The following RBFOX1 variants were observed in gnomAD, a reference collection of about 807,000 sequenced individuals.
RBFOX1 encodes the protein RNA binding protein fox-1 homolog 1.
In RBFOX1, 8 loss-of-function variants were observed where a neutral mutation model predicts 57.7. The observed-to-expected ratio is 0.14, with a 90% confidence interval of 0.08 to 0.25. The LOEUF (loss-of-function observed/expected upper bound fraction) is 0.25. RBFOX1 is among the 10% of genes least tolerant of loss of function. The pLI is 1.00. For synonymous variants in RBFOX1, 326 were observed against 222.4 expected (o/e 1.47, Z -4.15); for missense variants, 611 against 548.5 (o/e 1.11, Z -1.14).
Position 7,139,176 on chromosome 16 carries a change from C to CTCTCTCTCTCTCTCTGTGTGTGTG in RBFOX1, c.27+87079_27+87080insCTCTCTCTCTCTCTGTGTGTGTGT, listed in dbSNP as rs372381673. 8.7e-3 allele frequency among the ~76,000 whole-genome samples: 1,262 copies of CTCTCTCTCTCTCTCTGTGTGTGTG among 145,886 alleles called. 11 individuals are homozygous for CTCTCTCTCTCTCTCTGTGTGTGTG. Among genetic ancestry groups the CTCTCTCTCTCTCTCTGTGTGTGTG allele is most frequent in the African/African-American group, 0.016 (625 of 38,906 alleles). The stretch of plus-strand genomic sequence containing the variant: ...TAATGCAGATGAAATCAATCTCTCT[C>CTCTCTCTCTCTCTCTGTGTGTGTG]TGTGTGTGTGTGTGTGTGTGTATGT... On this transcript the variant is annotated intron_variant, in intron 4 of 15. Coordinates refer to ENST00000550418, the MANE Select transcript of RBFOX1 (RefSeq NM_018723.4).
chr16:7,458,814 C>G (rs952870386), intron 4 of RBFOX1, among the ~76,000 whole-genome samples: 1 of 152,160 alleles, frequency 6.6e-6, no homozygotes, highest in African/African-American at 2.4e-5. Flanking sequence ...TGTTCCTTTC[C>G]TAGCTGACTT....
In RBFOX1 at chr16:6,079,198, C is replaced by T. The variant is rs545427160; in HGVS notation, c.-127+59206C>T. 4.7e-4 allele frequency among the ~76,000 whole-genome samples: 72 copies of T among 152,092 alleles called. No individual in the cohort carries two copies. In the Middle Eastern group the frequency reaches 0.01, roughly 22 times the overall value. ...TTACATGCCTGTAATCCCAGCTATT[C>T]GGGAGGCTGAGGCAGGATAATTGCT... On this transcript the variant is annotated intron_variant, in intron 1 of 15. Transcript: ENST00000550418.
At chr16:6,431,242 A>G (rs990455027) in intron 2 of RBFOX1, among the ~76,000 whole-genome samples, 3 of 152,078 alleles carry the variant, frequency 2.0e-5, no homozygotes, top group Non-Finnish European at 2.9e-5. Flanking sequence ...GGTGGTTTGA[A>G]TAAAGTTAGG....
intron 3 of RBFOX1, among the ~76,000 whole-genome samples, chr16:7,040,780 A>G (rs1026661677): frequency 6.6e-6 from 1 of 152,234 alleles, no homozygotes; most frequent in African/African-American, 2.4e-5. Flanking sequence ...CATTCCTGAA[A>G]TCATTCATTT....
intron 3 of RBFOX1, among the ~76,000 whole-genome samples, chr16:6,662,377 TTGTATC>T (rs2098707160): frequency 6.6e-6 from 1 of 152,186 alleles, no homozygotes. Context: ...AAAGGTCACA[TTGTATC>T]TGTTAAATAT....
chr16:7,640,474 A>T (rs1468596449), intron 11 of RBFOX1, among the ~76,000 whole-genome samples: 1 of 152,204 alleles, frequency 6.6e-6, no homozygotes, highest in Non-Finnish European at 1.5e-5. Flanking sequence ...ATTTGTCTTG[A>T]TATTTCTTTC....
intron 3 of RBFOX1, among the ~76,000 whole-genome samples, chr16:6,762,942 A>C (rs559235540): frequency 6.6e-6 from 1 of 152,334 alleles, no homozygotes; most frequent in Non-Finnish European, 1.5e-5. Flanking sequence ...CTGAAGAACA[A>C]GTAGGAGTTC....
chr16:6,958,325 C>G (rs1192979100), intron 3 of RBFOX1, among the ~76,000 whole-genome samples: 1 of 152,186 alleles, frequency 6.6e-6, no homozygotes, highest in Non-Finnish European at 1.5e-5. Context: ...CACATTAGAA[C>G]TTAACCTTCT....
chr16:5,259,368 A>T (rs1374675566), intron 1 of RBFOX1, among the ~76,000 whole-genome samples: 1 of 152,172 alleles, frequency 6.6e-6, no homozygotes, highest in Non-Finnish European at 1.5e-5. Context: ...GATCTCATGC[A>T]GCCAGCCTGG....
chr16:6,150,269 C>T (rs565809248), intron 1 of RBFOX1, among the ~76,000 whole-genome samples: 1 of 152,010 alleles, frequency 6.6e-6, no homozygotes, highest in Non-Finnish European at 1.5e-5. Flanking sequence ...AACAGAATCC[C>T]CAGGAAGTTT....
At chr16:5,993,132 T>C (rs2060430279) in intron 4 of RBFOX1, among the ~76,000 whole-genome samples, 2 of 152,168 alleles carry the variant, frequency 1.3e-5, no homozygotes, top group Non-Finnish European at 2.9e-5. Flanking sequence ...AGCCATGTCC[T>C]CAAGGTTGAA....
At chr16:6,930,981 A>T (rs1445559935) in intron 3 of RBFOX1, among the ~76,000 whole-genome samples, 1 of 151,956 alleles carries the variant, frequency 6.6e-6, no homozygotes, top group Non-Finnish European at 1.5e-5. Flanking sequence ...ATACATATGT[A>T]CTTATTTCCT....
At chr16:6,529,671 A>G (rs1157496250) in intron 2 of RBFOX1, among the ~76,000 whole-genome samples, 1 of 152,118 alleles carries the variant, frequency 6.6e-6, no homozygotes, top group Non-Finnish European at 1.5e-5. Flanking sequence ...CTACAGGTAT[A>G]TTGAAATAAG....
At chr16:6,067,203 T>A (rs2095776833) in intron 1 of RBFOX1, among the ~76,000 whole-genome samples, 1 of 152,200 alleles carries the variant, frequency 6.6e-6, no homozygotes, top group Non-Finnish European at 1.5e-5. Flanking sequence ...ACGTCCTCGA[T>A]TCTTACCTAC....
At chr16:6,216,127 T>A (rs1427531528) in intron 1 of RBFOX1, among the ~76,000 whole-genome samples, 2 of 152,090 alleles carry the variant, frequency 1.3e-5, no homozygotes, top group Non-Finnish European at 2.9e-5. Flanking sequence ...CGGGGCCTTT[T>A]GGAGGGTGGG....
chr16:6,122,490 T>A (rs948833811), intron 1 of RBFOX1, among the ~76,000 whole-genome samples: 2 of 152,138 alleles, frequency 1.3e-5, no homozygotes, highest in African/African-American at 4.8e-5. Flanking sequence ...TTTCACCACT[T>A]TCTCATTCGA....
chr16:7,575,992 G>C (rs750779793), intron 5 of RBFOX1, among the ~76,000 whole-genome samples: 2 of 152,098 alleles, frequency 1.3e-5, no homozygotes, highest in Non-Finnish European at 2.9e-5. Flanking sequence ...GGAGTGCAGT[G>C]GCATGATCTT....
At chr16:7,039,049 T>TTAG (rs2045369346) in intron 3 of RBFOX1, among the ~76,000 whole-genome samples, 2 of 46,552 alleles carry the variant, frequency 4.3e-5, no homozygotes, top group African/African-American at 4.2e-4. Context: ...TAAAGGAATA[T>TTAG]CAGAAGTGCT....
At chr16:7,603,017 C>G (rs1043604446) in intron 9 of RBFOX1, among the ~76,000 whole-genome samples, 2 of 152,168 alleles carry the variant, frequency 1.3e-5, no homozygotes, top group African/African-American at 4.8e-5. Context: ...TTTAAAAATT[C>G]TTGACATAAA....
Sources: allele counts gnomAD v4.1 joint callset (sites outside exome capture counted in the v4.1 genomes callset), GRCh38; gene constraint gnomAD v4.1.1; transcripts MANE v1.5; gene names NCBI Gene and HGNC (gene_info 2026-07-23, HGNC 2026-07-21).